Variants in MBD5 observed in about 807,000 individuals in gnomAD.
MBD5 encodes the protein methyl-CpG binding domain protein 5.
Under a neutral mutation model 117.3 loss-of-function variants are expected in MBD5, and 13 were observed. The observed-to-expected ratio is 0.11, with a 90% CI of 0.07 to 0.18. MBD5 has a LOEUF of 0.18. Among genes scored for constraint, MBD5 ranks in the 10% least tolerant of loss-of-function variants. MBD5 has a pLI of 1.00. For synonymous variants in MBD5, 727 were observed against 766.4 expected (o/e 0.95, Z 0.85); for missense variants, 1,879 against 2,093.8 (o/e 0.90, Z 2.00).
At chr2:148,022,595 A>G (rs1573922015) in intron 1 of MBD5, among the ~76,000 whole-genome samples, 1 of 152,190 alleles carries the variant, frequency 6.6e-6, no homozygotes, top group East Asian at 1.9e-4. Context: ...CCTCTCCATC[A>G]ATAGTTTGCT....
At chr2:148,300,698 C>T (rs1162151373) in intron 3 of MBD5, among the ~76,000 whole-genome samples, 9 of 152,168 alleles carry the variant, frequency 5.9e-5, no homozygotes, top group African/African-American at 2.2e-4. Flanking sequence ...CAACTACTTA[C>T]TCTCCCAGTC....
At chr2:148,131,145 A>G (rs559572637) in intron 1 of MBD5, among the ~76,000 whole-genome samples, 31 of 152,356 alleles carry the variant, frequency 2.0e-4, no homozygotes, top group Middle Eastern at 6.8e-3. Flanking sequence ...ATTCTAAGAT[A>G]GAAATTAATG....
intron 4 of MBD5, among the ~76,000 whole-genome samples, chr2:148,371,151 A>T (rs1371069639): frequency 1.3e-5 from 2 of 152,138 alleles, no homozygotes; most frequent in Non-Finnish European, 2.9e-5. Context: ...GTTTTTTAAA[A>T]TTCCATCAAG....
intron 8 of MBD5, among the ~76,000 whole-genome samples, chr2:148,473,788 C>A (rs1238994556): frequency 1.3e-5 from 2 of 152,130 alleles, no homozygotes; most frequent in Non-Finnish European, 2.9e-5. Flanking sequence ...ATTTCTAAAG[C>A]TTATGAATAT....
chr2:148,112,259 C>CA (rs1182364959), intron 1 of MBD5, among the ~76,000 whole-genome samples: 1 of 152,176 alleles, frequency 6.6e-6, no homozygotes, highest in Non-Finnish European at 1.5e-5. Flanking sequence ...TTTGTGTACG[C>CA]ACACATGCAT....
chr2:148,063,174 T>G (rs1330914807), intron 1 of MBD5, among the ~76,000 whole-genome samples: 1 of 152,156 alleles, frequency 6.6e-6, no homozygotes, highest in Non-Finnish European at 1.5e-5. Context: ...ATAATTTCCT[T>G]TAGGAGTTGT....
chr2:148,494,797 TA>T (rs377724307), intron 11 of MBD5, among the ~76,000 whole-genome samples: 2 of 151,890 alleles, frequency 1.3e-5, no homozygotes, highest in Non-Finnish European at 2.9e-5. Context: ...CCGTCTCTAC[TA>T]AAAAATACAA....
At chr2:148,447,906 G>T (rs1487493432) in intron 4 of MBD5, among the ~76,000 whole-genome samples, 1 of 152,050 alleles carries the variant, frequency 6.6e-6, no homozygotes, top group African/African-American at 2.4e-5. Context: ...TTGCTTATCT[G>T]TTTGTTAAAT....
At chr2:148,131,247 C>T (rs1488396818) in intron 1 of MBD5, among the ~76,000 whole-genome samples, 1 of 151,968 alleles carries the variant, frequency 6.6e-6, no homozygotes, top group Non-Finnish European at 1.5e-5. Context: ...TTTTTTAGTT[C>T]AGGGAATATC....
At chr2:148,126,239 TA>T (rs10712219) in intron 1 of MBD5, among the ~76,000 whole-genome samples, 62,271 of 147,332 alleles carry the variant, frequency 0.42, 13,104 homozygotes, top group Middle Eastern at 0.54. Context: ...CTACTAAAAA[TA>T]AAAAAAAAAA....
At chr2:148,397,889 G>A (rs1235342871) in intron 4 of MBD5, among the ~76,000 whole-genome samples, 1 of 151,106 alleles carries the variant, frequency 6.6e-6, no homozygotes, top group Non-Finnish European at 1.5e-5. Flanking sequence ...ACCTATGAGT[G>A]AGAACATGCA....
At chr2:148,354,960 C>T (rs1046013213) in intron 4 of MBD5, among the ~76,000 whole-genome samples, 6 of 151,258 alleles carry the variant, frequency 4.0e-5, no homozygotes, top group African/African-American at 1.5e-4. Flanking sequence ...TCATAATTGC[C>T]ATTCTAACTG....
At chr2:148,460,649 A>G (rs1413322102) in intron 5 of MBD5, among the ~76,000 whole-genome samples, 5 of 152,174 alleles carry the variant, frequency 3.3e-5, no homozygotes, top group Admixed American at 3.3e-4. Context: ...AGCTTTATCT[A>G]TGCTGTAAGT....
intron 4 of MBD5, among the ~76,000 whole-genome samples, chr2:148,406,672 T>A (rs1705086722): frequency 6.6e-6 from 1 of 152,196 alleles, no homozygotes; most frequent in South Asian, 2.1e-4. Context: ...CTCATGCCAG[T>A]CCCACTTTCC....
At chr2:148,189,448 C>T (rs1292067084) in intron 2 of MBD5, among the ~76,000 whole-genome samples, 6 of 145,352 alleles carry the variant, frequency 4.1e-5, no homozygotes, top group Admixed American at 6.8e-5. Context: ...GTCCCTGACC[C>T]GTGACCCCCG....
chr2:148,504,613 T>A (rs2105239858), intron 12 of MBD5, among the ~76,000 whole-genome samples: 1 of 152,264 alleles, frequency 6.6e-6, no homozygotes, highest in Admixed American at 6.5e-5. Flanking sequence ...AACAAGTAAT[T>A]CAAATGTCAA....
intron 3 of MBD5, among the ~76,000 whole-genome samples, chr2:148,334,139 G>A (rs146933276): frequency 7.9e-5 from 12 of 151,352 alleles, no homozygotes; most frequent in East Asian, 7.8e-4. Context: ...TCTCACTTCC[G>A]TAAGCACTGG....
At chr2:148,501,473 A>C (rs1438103336) in intron 11 of MBD5, among the ~76,000 whole-genome samples, 1 of 152,210 alleles carries the variant, frequency 6.6e-6, no homozygotes, top group Admixed American at 6.5e-5. Context: ...CTATGCTTAC[A>C]TACCAAACAA....
At chr2:148,497,919 T>G (rs763060345) in intron 11 of MBD5, among the ~76,000 whole-genome samples, 6 of 152,240 alleles carry the variant, frequency 3.9e-5, no homozygotes, top group Non-Finnish European at 5.9e-5. Context: ...GTGGTCATTT[T>G]AGATCCTTTC....
Sources: gnomAD v4.1 joint callset for allele counts (sites outside exome capture counted in the v4.1 genomes callset) on GRCh38, gnomAD v4.1.1 for gene constraint, MANE v1.5 for transcripts, NCBI Gene and HGNC (gene_info 2026-07-23, HGNC 2026-07-21) for gene names.